The following ADARB2 variants were observed in gnomAD, a reference collection of about 807,000 sequenced individuals.
The protein encoded by ADARB2 is adenosine deaminase RNA specific B2 (inactive).
A neutral mutation model predicts 62.2 loss-of-function variants in ADARB2; 25 were observed. The ratio of observed to expected loss-of-function variants is 0.40; its 90% confidence interval spans 0.29 to 0.56. The LOEUF is 0.56. ADARB2 is among the 20% of genes least tolerant of loss of function. The pLI is 0.43. For missense variants in ADARB2, 1,071 were observed against 1,077.4 expected (o/e 0.99, Z 0.08); for synonymous variants, 572 against 500.8 (o/e 1.14, Z -1.90).
chr10:1,674,601 T>C (rs1452906149), intron 1 of ADARB2, among the ~76,000 whole-genome samples: 1 of 152,146 alleles, frequency 6.6e-6, no homozygotes, highest in Admixed American at 6.5e-5. Context: ...AGCCCTTTGG[T>C]TGTGTTGCGG....
rs749522515 is a variant in ADARB2, at chr10:1,232,881, TTGTA to T, written c.1513+809_1513+812del. ...GCGTGTAGTGTATGTGGTGTGTGTGTTGTATGTGTGTGGTGTGTGTGGTATACAT... is the reference window on the plus strand; with the variant it reads ...GCGTGTAGTGTATGTGGTGTGTGTGTTGTGTGTGGTGTGTGTGGTATACAT... On this transcript the variant is annotated intron_variant, in intron 6 of 9. Transcript: ENST00000381312. 1.6e-3 allele frequency among the ~76,000 whole-genome samples: 243 copies of T among 150,860 alleles called. No individual in the cohort carries two copies. The Middle Eastern group carries it at 0.024, about 15-fold the overall frequency.
intron 1 of ADARB2, among the ~76,000 whole-genome samples, chr10:1,586,677 C>T (rs575980569): frequency 1.1e-4 from 17 of 152,218 alleles, no homozygotes; most frequent in African/African-American, 2.9e-4. Flanking sequence ...CAAGGAAAAC[C>T]GACTCCTTCC....
chr10:1,622,832 C>A (rs1457333155), intron 1 of ADARB2, among the ~76,000 whole-genome samples: 1 of 152,156 alleles, frequency 6.6e-6, no homozygotes, highest in Non-Finnish European at 1.5e-5. Context: ...TAGGCACCCA[C>A]CTCGGAGGAA....
At chr10:1,210,950 C>T (rs1016214237) in intron 7 of ADARB2, among the ~76,000 whole-genome samples, 10 of 152,186 alleles carry the variant, frequency 6.6e-5, no homozygotes, top group African/African-American at 2.2e-4. Flanking sequence ...ACCTGGGCAA[C>T]GCGGAGGCTG....
At chr10:1,285,889 T>C (rs564457773) in intron 3 of ADARB2, among the ~76,000 whole-genome samples, 7 of 152,202 alleles carry the variant, frequency 4.6e-5, no homozygotes, top group Non-Finnish European at 1.0e-4. Flanking sequence ...CTAAAATCCA[T>C]AGATTATAAA....
At chr10:1,234,345 C>A (rs575890985) in intron 5 of ADARB2, among the ~76,000 whole-genome samples, 1 of 152,072 alleles carries the variant, frequency 6.6e-6, no homozygotes. Context: ...ACCAACACTT[C>A]TAGAACAGGC....
At chr10:1,605,192 C>A (rs1453678962) in intron 1 of ADARB2, among the ~76,000 whole-genome samples, 2 of 152,244 alleles carry the variant, frequency 1.3e-5, no homozygotes, top group Admixed American at 1.3e-4. Flanking sequence ...TCCTTCTCTT[C>A]TTCTGGCTGG....
intron 2 of ADARB2, among the ~76,000 whole-genome samples, chr10:1,364,841 C>T (rs1215034154): frequency 3.3e-5 from 5 of 151,634 alleles, no homozygotes; most frequent in African/African-American, 1.2e-4. Flanking sequence ...ACCATGCGCT[C>T]ACCTTATGCC....
chr10:1,496,350 T>C (rs1401532722), intron 1 of ADARB2, among the ~76,000 whole-genome samples: 1 of 151,944 alleles, frequency 6.6e-6, no homozygotes, highest in Non-Finnish European at 1.5e-5. Flanking sequence ...TCCATTATCA[T>C]CATTGTCATC....
At chr10:1,723,054 CAT>C (rs929058706) in intron 1 of ADARB2, among the ~76,000 whole-genome samples, 1 of 152,204 alleles carries the variant, frequency 6.6e-6, no homozygotes, top group African/African-American at 2.4e-5. Flanking sequence ...GTGGACAACA[CAT>C]GTCACTAAGG....
At chr10:1,720,460 G>A (rs545905025) in intron 1 of ADARB2, among the ~76,000 whole-genome samples, 5 of 152,232 alleles carry the variant, frequency 3.3e-5, no homozygotes, top group South Asian at 2.1e-4. Context: ...AAACCTCAGC[G>A]ACACCCAATT....
chr10:1,639,539 C>T (rs1197566659), intron 1 of ADARB2, among the ~76,000 whole-genome samples: 1 of 152,194 alleles, frequency 6.6e-6, no homozygotes, highest in East Asian at 1.9e-4. Context: ...AACATGACTT[C>T]CCGTTCTTAT....
intron 1 of ADARB2, among the ~76,000 whole-genome samples, chr10:1,482,273 T>G (rs996987052): frequency 1.3e-5 from 2 of 152,202 alleles, no homozygotes; most frequent in Admixed American, 1.3e-4. Context: ...GAATGGATAT[T>G]CAATACCCAT....
intron 1 of ADARB2, among the ~76,000 whole-genome samples, chr10:1,637,151 T>G (rs916158526): frequency 1.3e-5 from 2 of 152,160 alleles, no homozygotes; most frequent in African/African-American, 4.8e-5. Context: ...GCCATTTTAT[T>G]TTAAATTACT....
intron 1 of ADARB2, among the ~76,000 whole-genome samples, chr10:1,724,070 G>C (rs1336066651): frequency 1.3e-5 from 2 of 152,198 alleles, no homozygotes; most frequent in African/African-American, 4.8e-5. Flanking sequence ...ATGCATTTAA[G>C]TCCTGACCTG....
At chr10:1,286,226 G>A (rs932731588) in intron 3 of ADARB2, among the ~76,000 whole-genome samples, 2 of 152,104 alleles carry the variant, frequency 1.3e-5, no homozygotes, top group African/African-American at 2.4e-5. Context: ...GTCTAGACCC[G>A]GGAAGTAGGA....
intron 1 of ADARB2, among the ~76,000 whole-genome samples, chr10:1,494,603 A>G (rs1044808935): frequency 6.6e-6 from 1 of 151,796 alleles, no homozygotes; most frequent in African/African-American, 2.4e-5. Flanking sequence ...ACTGCTGAGT[A>G]CCCTTTAGCT....
chr10:1,329,628 G>A (rs1371720806), intron 3 of ADARB2, among the ~76,000 whole-genome samples: 2 of 152,204 alleles, frequency 1.3e-5, no homozygotes, highest in South Asian at 2.1e-4. Flanking sequence ...CCTCTAGTGG[G>A]TGTTGGTCTA....
intron 3 of ADARB2, chr10:1,292,965 G>GA (rs1831481073): frequency 1.4e-4 from 2 of 13,858 alleles, no homozygotes; most frequent in Non-Finnish European, 2.3e-4. Flanking sequence ...GGAGAGAGAG[G>GA]GAGAGGGAGG....
Sources: gnomAD v4.1 joint callset for allele counts (sites outside exome capture counted in the v4.1 genomes callset) on GRCh38, gnomAD v4.1.1 for gene constraint, MANE v1.5 for transcripts, NCBI Gene and HGNC (gene_info 2026-07-23, HGNC 2026-07-21) for gene names.